Variants in CDC40 observed in about 807,000 individuals in gnomAD.
The protein encoded by CDC40 is pre-mRNA-processing factor 17.
A neutral mutation model predicts 80.6 loss-of-function variants in CDC40; 27 were observed. That is an observed-to-expected ratio of 0.33 (90% CI 0.25 to 0.46). CDC40 has a LOEUF of 0.46. CDC40 is among the 20% of genes least tolerant of loss of function. The probability of loss-of-function intolerance (pLI) is 1.00; values close to 1 mark genes in which losing one functional copy is unlikely to be tolerated. For missense variants in CDC40, 486 were observed against 694.1 expected (o/e 0.70, Z 3.37); for synonymous variants, 221 against 232.6 (o/e 0.95, Z 0.45).
chr6:110,189,305 A>G (rs1777315605), intron 1 of CDC40, among the ~76,000 whole-genome samples: 1 of 152,078 alleles, frequency 6.6e-6, no homozygotes, highest in African/African-American at 2.4e-5. Context: ...TATATAGTCT[A>G]TTGTCTGTCT....
At chr6:110,182,723 A>G (rs1427978533) in intron 1 of CDC40, among the ~76,000 whole-genome samples, 1 of 152,196 alleles carries the variant, frequency 6.6e-6, no homozygotes, top group Admixed American at 6.5e-5. Flanking sequence ...CTTTAACTCA[A>G]TGATATTCAT....
intron 6 of CDC40, 29 bp from the exon 7 acceptor site, chr6:110,212,104 T>C (rs757664959): frequency 6.3e-7 from 1 of 1,592,924 alleles, no homozygotes; most frequent in Non-Finnish European, 8.6e-7. Context: ...TGTATTTGTT[T>C]ATTGATTTTC....
Position 110,210,725 on chromosome 6 carries a change from G to T in CDC40, c.649G>T (p.Asp217Tyr). 6.4e-7 allele frequency: 1 copy of T among 1,568,850 alleles called. No homozygotes were observed. The highest frequency in any genetic ancestry group is 8.6e-7 in the Non-Finnish European group (1 of 1,159,980). The change falls in exon 6 of 15, where the codon GAT becomes TAT. Residue 217 changes from aspartate to tyrosine, a missense_variant. Physicochemically the swap from Asp to Tyr is radical, Grantham distance 160. Coordinates refer to ENST00000307731, the MANE Select transcript of CDC40 (RefSeq NM_015891.3). ...KPSEEEQKELDEITAKRQKKG... is the reference protein window; with the variant it reads ...KPSEEEQKELYEITAKRQKKG... ...TTCTTAGGAAGAGCAAAAAGAATTG[G>T]ATGAAATCACAGCAAAGAGGCAGAA...
At chr6:110,184,874 A>G (rs1264963453) in intron 1 of CDC40, among the ~76,000 whole-genome samples, 2 of 152,240 alleles carry the variant, frequency 1.3e-5, no homozygotes, top group Non-Finnish European at 2.9e-5. Flanking sequence ...TGACAGAACT[A>G]CAAAGAGAAA....
Position 110,217,750 on chromosome 6 carries a change from A to G in CDC40, c.1037A>G (p.Gln346Arg). 6.2e-7 allele frequency: 1 copy of G among 1,607,658 alleles called. No homozygotes were observed. Among genetic ancestry groups the G allele is most frequent in the Non-Finnish European group, 8.5e-7 (1 of 1,174,166 alleles). Residue 346 changes from glutamine (Q) to arginine (R), a missense_variant, in exon 10 of 15, where the codon CAG (glutamine) becomes CGG (arginine). Coordinates refer to ENST00000307731, the MANE Select transcript of CDC40 (RefSeq NM_015891.3). ...RDICFNTAGT[Q>R]FLSAAYDRYL... is the part of the protein sequence containing the mutation. ...ATCTGCTTCAATACTGCAGGAACAC[A>G]GTTCCTCAGTGCAGCCTATGACAGG...
intron 9 of CDC40, among the ~76,000 whole-genome samples, chr6:110,216,444 A>C (rs1777700735): frequency 6.6e-6 from 1 of 152,206 alleles, no homozygotes; most frequent in Non-Finnish European, 1.5e-5. Context: ...AGACTTGTGG[A>C]AGGCTCTCAG....
chr6:110,197,901 G>A (rs1467094267), intron 2 of CDC40, among the ~76,000 whole-genome samples: 1 of 152,026 alleles, frequency 6.6e-6, no homozygotes, highest in Non-Finnish European at 1.5e-5. Flanking sequence ...ATTTCCTTTG[G>A]ACATATACCC....
chr6:110,203,171 A>T (rs1284745228), intron 3 of CDC40, among the ~76,000 whole-genome samples: 1 of 152,196 alleles, frequency 6.6e-6, no homozygotes, highest in African/African-American at 2.4e-5. Flanking sequence ...AAATAAGATC[A>T]GTCTTGTCTA....
chr6:110,186,577 C>T (rs1006811661), intron 1 of CDC40, among the ~76,000 whole-genome samples: 3 of 152,140 alleles, frequency 2.0e-5, no homozygotes, highest in African/African-American at 7.2e-5. Flanking sequence ...CCTTAGCTGG[C>T]AGTTTTCTCT....
At chr6:110,197,737 C>A in intron 2 of CDC40, among the ~76,000 whole-genome samples, 1 of 152,070 alleles carries the variant, frequency 6.6e-6, no homozygotes, top group Non-Finnish European at 1.5e-5. Flanking sequence ...CCAGGTTAAT[C>A]TATGCTGTCA....
chr6:110,210,323 G>A (rs1424878486), intron 5 of CDC40, among the ~76,000 whole-genome samples: 1 of 151,862 alleles, frequency 6.6e-6, no homozygotes, highest in Non-Finnish European at 1.5e-5. Flanking sequence ...GCCGAGGCGG[G>A]CGCATTGCCA....
At chr6:110,192,570 C>A (rs1400624260) in intron 1 of CDC40, among the ~76,000 whole-genome samples, 3 of 152,050 alleles carry the variant, frequency 2.0e-5, no homozygotes, top group Non-Finnish European at 4.4e-5. Context: ...CAGGGGAGGT[C>A]CAGGCTAAAG....
chr6:110,188,305 G>A (rs957068580), intron 1 of CDC40, among the ~76,000 whole-genome samples: 1 of 152,184 alleles, frequency 6.6e-6, no homozygotes, highest in African/African-American at 2.4e-5. Context: ...TAAGCAGTTT[G>A]TCACTAGGGG....
At chr6:110,191,616 C>A (rs1454797709) in intron 1 of CDC40, among the ~76,000 whole-genome samples, 1 of 152,106 alleles carries the variant, frequency 6.6e-6, no homozygotes, top group Non-Finnish European at 1.5e-5. Context: ...ATGTGGATAT[C>A]CACAGGAAAA....
chr6:110,213,331 A>G (rs1227543553), intron 8 of CDC40, among the ~76,000 whole-genome samples, 171 bp downstream of exon 8: 1 of 151,592 alleles, frequency 6.6e-6, no homozygotes, highest in East Asian at 1.9e-4. Flanking sequence ...AAAATCAACT[A>G]TGGCTCTGTG....
At chr6:110,216,912 GC>G (rs1777708464) in intron 9 of CDC40, among the ~76,000 whole-genome samples, 1 of 152,046 alleles carries the variant, frequency 6.6e-6, no homozygotes, top group South Asian at 2.1e-4. Context: ...AAAGAAGGTA[GC>G]CTGGGCAACA....
At chr6:110,204,930 G>A (rs905704286) in intron 3 of CDC40, among the ~76,000 whole-genome samples, 5 of 152,162 alleles carry the variant, frequency 3.3e-5, no homozygotes, top group Admixed American at 1.3e-4. Flanking sequence ...GCCTCCCAAA[G>A]TGCTGGGATT....
chr6:110,215,065 G>A (rs1032426891), intron 8 of CDC40, among the ~76,000 whole-genome samples: 2 of 152,060 alleles, frequency 1.3e-5, no homozygotes, highest in African/African-American at 4.8e-5. Context: ...CTTTAGTTTT[G>A]AGCGTGTGTG....
intron 2 of CDC40, among the ~76,000 whole-genome samples, chr6:110,200,118 G>A (rs1252290817): frequency 6.6e-6 from 1 of 152,050 alleles, no homozygotes; most frequent in Admixed American, 6.5e-5. Flanking sequence ...TTAAGAATAT[G>A]TACTAATAAA....
Sources: gnomAD v4.1 joint callset for allele counts (sites outside exome capture counted in the v4.1 genomes callset) on GRCh38, gnomAD v4.1.1 for gene constraint, MANE v1.5 for transcripts, NCBI Gene and HGNC (gene_info 2026-07-23, HGNC 2026-07-21) for gene names.